The following SOAT1 variants were observed in gnomAD, a reference collection of about 807,000 sequenced individuals.
SOAT1 encodes the protein acyl-coenzyme A:cholesterol acyltransferase 1.
SOAT1 carries 55 observed loss-of-function variants against 69.5 expected under a neutral mutation model. That is an observed-to-expected ratio of 0.79 (90% CI 0.64 to 0.99). The LOEUF is 0.99. Among genes scored for constraint, SOAT1 ranks in the 50% least tolerant of loss-of-function variants. The pLI is 0.00. For synonymous variants in SOAT1, 231 were observed against 224.7 expected (o/e 1.03, Z -0.25); for missense variants, 580 against 669.3 (o/e 0.87, Z 1.47).
rs576926023 is a variant in SOAT1, at chr1:179,343,388, T to G, written c.942-202T>G. On this transcript the variant is annotated intron_variant, in intron 9 of 15. Transcript: ENST00000367619. ...TACAGGTGTGTGCCACCACGCCCGG[T>G]TGGTTTTTTTGTATTTTTATTAGAG... Among the ~76,000 whole-genome samples the G allele has an allele frequency of 5.1e-5, 7 of 137,564 alleles. No individual in the cohort carries two copies. The South Asian group carries it at 1.7e-3, about 33-fold the overall frequency. 90.2% of individuals were successfully genotyped at this position (137,564 alleles called of 152,430 possible).
intron 15 of SOAT1, among the ~76,000 whole-genome samples, chr1:179,352,165 A>G (rs1425291144): frequency 7.0e-6 from 1 of 142,232 alleles, no homozygotes; most frequent in Non-Finnish European, 1.5e-5. Flanking sequence ...TCTTGATTCT[A>G]TTTTTGTTTT....
intron 5 of SOAT1, 54 bp downstream of exon 5, chr1:179,337,950 A>G: frequency 7.8e-7 from 1 of 1,286,498 alleles, no homozygotes. Context: ...AACTATTCTG[A>G]TAGAATCATT....
intron 11 of SOAT1, among the ~76,000 whole-genome samples, chr1:179,345,892 A>G (rs2124998821): frequency 6.7e-6 from 1 of 148,174 alleles, no homozygotes; most frequent in Non-Finnish European, 1.5e-5. Context: ...TTCCGACCAT[A>G]CCTTGATTTC....
intron 2 of SOAT1, among the ~76,000 whole-genome samples, chr1:179,317,645 T>TTG (rs964381117): frequency 1.3e-5 from 2 of 151,832 alleles, no homozygotes; most frequent in African/African-American, 4.8e-5. Flanking sequence ...TCATAGGTTT[T>TTG]TTTTTTTTTT....
chr1:179,310,435 C>CACTA (rs1665184673), intron 2 of SOAT1, among the ~76,000 whole-genome samples: 1 of 152,126 alleles, frequency 6.6e-6, no homozygotes, highest in African/African-American at 2.4e-5. Flanking sequence ...TATGAACATG[C>CACTA]ACTAATCCAC....
At chr1:179,331,139 C>T (rs1316076004) in intron 3 of SOAT1, among the ~76,000 whole-genome samples, 1 of 152,162 alleles carries the variant, frequency 6.6e-6, no homozygotes, top group Non-Finnish European at 1.5e-5. Flanking sequence ...ATTTTCCTTT[C>T]TGCCTTTTCT....
At position 179,335,657 on chromosome 1, in the gene SOAT1, A is replaced by C; in HGVS notation, c.329A>C (p.Lys110Thr). ...LEGEKNNHRA[K>T]DLRAPPEQGK... Reference sequence around the variant, plus strand: ...GGAGAGAAAAACAACCATAGAGCGAAGTAAGTATGTGCTATTTTCTTTTAA... The same window carrying C: ...GGAGAGAAAAACAACCATAGAGCGACGTAAGTATGTGCTATTTTCTTTTAA... Residue 110 changes from lysine (K) to threonine (T), a missense_variant and splice_region_variant, in exon 4 of 16, where the codon AAG becomes ACG. Lys to Thr is a moderately conservative substitution (Grantham distance 78). Coordinates refer to ENST00000367619, the MANE Select transcript of SOAT1 (RefSeq NM_003101.6). 6.2e-7 allele frequency: 1 copy of C among 1,609,102 alleles called. No individual in the cohort carries two copies. Among genetic ancestry groups the C allele is most frequent in the South Asian group, 1.1e-5 (1 of 90,064 alleles).
chr1:179,325,353 C>T (rs113820060), intron 3 of SOAT1, among the ~76,000 whole-genome samples: 5 of 139,466 alleles, frequency 3.6e-5, no homozygotes, highest in East Asian at 2.2e-4. Flanking sequence ...GGGGTTTCAC[C>T]GTGTTAGCCA....
chr1:179,317,145 A>G (rs1665422089), intron 2 of SOAT1, among the ~76,000 whole-genome samples: 1 of 152,086 alleles, frequency 6.6e-6, no homozygotes. Flanking sequence ...TGTTCAGTGT[A>G]TTTTTTCTGG....
chr1:179,341,789 TCCCAAAGTGCTGAGATTACAGGC>T (rs1666348646), intron 7 of SOAT1, among the ~76,000 whole-genome samples: 1 of 152,190 alleles, frequency 6.6e-6, no homozygotes, highest in Non-Finnish European at 1.5e-5. Context: ...TGCCTCGGCC[TCCCAAAGTGCTGAGATTACAGGC>T]GTAAGCCACC....
At chr1:179,294,303 G>A (rs1010546915) in intron 1 of SOAT1, 2 of 152,196 alleles carry the variant, frequency 1.3e-5, no homozygotes, top group East Asian at 1.9e-4. Context: ...TAGAGAAAAT[G>A]TGTGAAGGGA....
intron 3 of SOAT1, among the ~76,000 whole-genome samples, chr1:179,333,711 T>C (rs554109305): frequency 9.9e-5 from 15 of 152,182 alleles, no homozygotes; most frequent in African/African-American, 3.4e-4. Context: ...TGCATACCTA[T>C]AATCCTAGCT....
At chr1:179,310,205 T>C (rs758844077) in intron 2 of SOAT1, among the ~76,000 whole-genome samples, 16 of 110,736 alleles carry the variant, frequency 1.4e-4, no homozygotes, top group Non-Finnish European at 1.8e-4. Context: ...TGGCTGCTTA[T>C]AGATATTTTT....
At chr1:179,316,171 C>G (rs1190399479) in intron 2 of SOAT1, among the ~76,000 whole-genome samples, 1 of 152,148 alleles carries the variant, frequency 6.6e-6, no homozygotes, top group Non-Finnish European at 1.5e-5. Context: ...TTAGTTTCCT[C>G]AAAGCCCTTG....
intron 2 of SOAT1, among the ~76,000 whole-genome samples, chr1:179,311,297 TA>T (rs1434307005): frequency 2.0e-5 from 3 of 152,104 alleles, no homozygotes; most frequent in Non-Finnish European, 4.4e-5. Context: ...GCCCAGGAGT[TA>T]GAGGTCGCAG....
At chr1:179,328,688 G>A (rs188220835) in intron 3 of SOAT1, among the ~76,000 whole-genome samples, 142 of 151,970 alleles carry the variant, frequency 9.3e-4, no homozygotes, top group Non-Finnish European at 1.8e-3. Context: ...TAGAGGGAAT[G>A]TTAGGTCTCA....
chr1:179,332,025 ATAT>A (rs1400235241), intron 3 of SOAT1, among the ~76,000 whole-genome samples: 4 of 152,176 alleles, frequency 2.6e-5, no homozygotes, highest in African/African-American at 9.7e-5. Context: ...GACACTGAAA[ATAT>A]TATTATTTAC....
intron 2 of SOAT1, among the ~76,000 whole-genome samples, chr1:179,313,356 C>T (rs1665280970): frequency 6.6e-6 from 1 of 151,840 alleles, no homozygotes; most frequent in Admixed American, 6.6e-5. Context: ...TGGTTGAGCA[C>T]TTGAAATGTG....
At chr1:179,348,148 A>T (rs567928367) in intron 12 of SOAT1, among the ~76,000 whole-genome samples, 9 of 152,346 alleles carry the variant, frequency 5.9e-5, no homozygotes, top group African/African-American at 2.2e-4. Flanking sequence ...TGCTTCAGAT[A>T]GTATCCTTAT....
Sources: gnomAD v4.1 joint callset for allele counts (sites outside exome capture counted in the v4.1 genomes callset) on GRCh38, gnomAD v4.1.1 for gene constraint, MANE v1.5 for transcripts, NCBI Gene and HGNC (gene_info 2026-07-23, HGNC 2026-07-21) for gene names.